ASMT: variants seen among roughly 807,000 people sequenced by gnomAD.
ASMT encodes acetylserotonin O-methyltransferase, also known as acetylserotonin N-methyltransferase.
In ASMT, 53 loss-of-function variants were observed where a neutral mutation model predicts 41.3. That is an observed-to-expected ratio of 1.28 (90% confidence interval 1.03 to 1.61). The LOEUF is 1.61. Among genes scored for constraint, ASMT ranks in the 40% most tolerant of loss-of-function variants. ASMT has a pLI of 0.00. For synonymous variants in ASMT, 231 were observed against 184.8 expected (o/e 1.25, Z -2.03); for missense variants, 531 against 441.3 (o/e 1.20, Z -1.82).
intron 4 of ASMT, 138 bp from the exon 5 acceptor site, chrX:1,629,683 G>T (rs1934696078): frequency 1.2e-6 from 1 of 845,580 alleles, no homozygotes; most frequent in African/African-American, 1.6e-5. Context: ...ATGACTTCCT[G>T]TTCCATTTCA....
rs555742086 is a variant in ASMT at position 1,621,597 on chromosome X, C to T, written c.70-1542C>T. ...CCTCCCAGAATGTTGGGATTACAGG[C>T]GTGAGCTACCACGCCTGGCTGATTT... On this transcript the variant is annotated intron_variant, in intron 1 of 8. Transcript: ENST00000381241. Among the ~76,000 whole-genome samples the T allele has an allele frequency of 1.1e-4, 17 of 152,278 alleles. No individual in the cohort carries two copies. The South Asian group carries it at 3.1e-3, about 28-fold the overall frequency.
chrX:1,625,233 T>G (rs772689042), intron 3 of ASMT, among the ~76,000 whole-genome samples: 1 of 151,350 alleles, frequency 6.6e-6, no homozygotes, highest in African/African-American at 2.4e-5. Context: ...GCCTCCCAAG[T>G]AGCTGGGACT....
At position 1,633,229 on chromosome X, in the gene ASMT, G is replaced by T. The variant is rs769855891; in HGVS notation, c.726G>T (p.Val242=). ...CKITVFDIPE[V]VWTAKQHFSF... ...TCACCGTTTTTGACATCCCAGAAGT[G>T]GTGTGGACGGCAAAGCAGCACTTCT... is the stretch of plus-strand genomic sequence containing the variant. The change falls in exon 7 of 9, where the codon GTG becomes GTT. Residue 242 remains valine (V), a synonymous_variant. Transcript: ENST00000381241. 23 of 1,613,806 alleles carry T rather than the reference G, an allele frequency of 1.4e-5. No homozygotes were observed. Among genetic ancestry groups the T allele is most frequent in the Non-Finnish European group, 1.9e-5 (23 of 1,179,868 alleles).
intron 1 of ASMT, among the ~76,000 whole-genome samples, chrX:1,617,258 T>C (rs1934169175): frequency 6.6e-6 from 1 of 151,372 alleles, no homozygotes; most frequent in Admixed American, 6.6e-5. Flanking sequence ...TCACTTGAGG[T>C]CAGGAGTTCA....
rs184156941 is a variant in ASMT at position 1,624,059 on chromosome X, G to A, written c.245-210G>A. Among the ~76,000 whole-genome samples, 438 of 152,058 alleles carry A rather than the reference G, an allele frequency of 2.9e-3. 1 individual carries two copies. The highest frequency in any genetic ancestry group is 9.7e-3 in the African/African-American group (403 of 41,512). ...CTCCCGATGGGGATTTGTACAAACC[G>A]AACCCGACGGGGGTGCTAGCCGCCC... is the stretch of plus-strand genomic sequence containing the variant. On this transcript the variant is annotated intron_variant, in intron 2 of 8. Coordinates refer to ENST00000381241, the MANE Select transcript of ASMT (RefSeq NM_001171038.2).
chrX:1,636,272 C>T, intron 7 of ASMT, 166 bp from the exon 8 acceptor site: 1 of 1,055,952 alleles, frequency 9.5e-7, no homozygotes, highest in South Asian at 1.3e-5. Flanking sequence ...ATTTTCTTAT[C>T]TTTCTCCTAA....
In ASMT at chrX:1,633,309, G is replaced by C; in HGVS notation, c.787+19G>C. On this transcript the variant is annotated intron_variant, in intron 7 of 8. Coordinates refer to ENST00000381241, the MANE Select transcript of ASMT (RefSeq NM_001171038.2). ...CAGGAAGGTGTGTTTGTGTCCGTGG[G>C]GAAGCAGAGATGTGTCTCACGGCTT... The C allele has an allele frequency of 6.2e-7, 1 of 1,613,710 alleles. No homozygotes were observed. The highest frequency in any genetic ancestry group is 1.3e-5 in the African/African-American group (1 of 74,892).
intron 4 of ASMT, 83 bp downstream of exon 4, chrX:1,627,854 TC>T: frequency 3.9e-6 from 5 of 1,288,334 alleles, no homozygotes; most frequent in Non-Finnish European, 5.7e-6. Flanking sequence ...ATCCATTTAC[TC>T]AAATGGCACA....
chrX:1,617,887 G>T (rs1196295281), intron 1 of ASMT, among the ~76,000 whole-genome samples: 2 of 152,074 alleles, frequency 1.3e-5, no homozygotes, highest in Non-Finnish European at 2.9e-5. Flanking sequence ...TTCTATCATG[G>T]CTGTGGTTTG....
At chrX:1,631,784 T>G (rs1196065048) in intron 5 of ASMT, among the ~76,000 whole-genome samples, 2 of 152,062 alleles carry the variant, frequency 1.3e-5, no homozygotes, top group Non-Finnish European at 2.9e-5. Flanking sequence ...GTGCGGTGGC[T>G]CATGCCTGTA....
chrX:1,642,680 G>T (rs1369825144), intron 8 of ASMT, 123 bp from the exon 9 acceptor site: 1 of 856,860 alleles, frequency 1.2e-6, no homozygotes, highest in Non-Finnish European at 2.0e-6. Flanking sequence ...GCCTCTGAGT[G>T]TGTGATGGGG....
intron 1 of ASMT, among the ~76,000 whole-genome samples, chrX:1,617,654 C>T (rs1319132129): frequency 3.3e-5 from 5 of 150,454 alleles, no homozygotes; most frequent in African/African-American, 7.3e-5. Flanking sequence ...TCCCTCTTGT[C>T]GCCCAGGCTG....
At chrX:1,631,122 G>A (rs1368334751) in intron 5 of ASMT, among the ~76,000 whole-genome samples, 2 of 151,058 alleles carry the variant, frequency 1.3e-5, no homozygotes, top group African/African-American at 4.9e-5. Flanking sequence ...CTCCGTGTTA[G>A]CCAGGATGGT....
At chrX:1,635,274 G>A (rs1249748305) in intron 7 of ASMT, among the ~76,000 whole-genome samples, 1 of 151,592 alleles carries the variant, frequency 6.6e-6, no homozygotes, top group Non-Finnish European at 1.5e-5. Flanking sequence ...GTGAGCCACC[G>A]CGCCTGGCCT....
intron 1 of ASMT, among the ~76,000 whole-genome samples, chrX:1,621,380 C>T (rs1421868904): frequency 7.9e-5 from 12 of 151,702 alleles, no homozygotes; most frequent in South Asian, 2.1e-4. Flanking sequence ...TGCAGTGGCG[C>T]GATCTTGGCT....
intron 6 of ASMT, 74 bp from the exon 7 acceptor site, chrX:1,633,076 C>G: frequency 2.5e-6 from 4 of 1,585,300 alleles, no homozygotes; most frequent in Non-Finnish European, 3.5e-6. Context: ...CTTCATGAGT[C>G]CATGGTGTGT....
At chrX:1,627,117 G>A (rs1455967964) in intron 3 of ASMT, among the ~76,000 whole-genome samples, 2 of 142,422 alleles carry the variant, frequency 1.4e-5, no homozygotes, top group Non-Finnish European at 1.5e-5. Flanking sequence ...CTGAGGTCAG[G>A]AGTTCGAGAC....
chrX:1,625,755 C>G (rs1328932069), intron 3 of ASMT, among the ~76,000 whole-genome samples: 1 of 151,278 alleles, frequency 6.6e-6, no homozygotes, highest in Non-Finnish European at 1.5e-5. Flanking sequence ...GAGATCGAGA[C>G]CATCCTGGCT....
chrX:1,622,789 G>A (rs1368429237), intron 1 of ASMT, among the ~76,000 whole-genome samples: 17 of 151,678 alleles, frequency 1.1e-4, no homozygotes, highest in African/African-American at 3.9e-4. Context: ...GAACAGGCCT[G>A]TAATCCCAGC....
Sources: gnomAD v4.1 joint callset for allele counts (sites outside exome capture counted in the v4.1 genomes callset) on GRCh38, gnomAD v4.1.1 for gene constraint, MANE v1.5 for transcripts, NCBI Gene and HGNC (gene_info 2026-07-23, HGNC 2026-07-21) for gene names.